The following HORMAD2 variants were observed in gnomAD, a reference collection of about 807,000 sequenced individuals.
HORMAD2 encodes the protein HORMA domain containing 2.
HORMAD2 carries 45 observed loss-of-function variants against 38.8 expected under a neutral mutation model. The observed-to-expected ratio is 1.16, with a 90% CI of 0.91 to 1.49. The LOEUF is 1.49. Ranked by LOEUF, HORMAD2 falls within the 40% of genes most tolerant of loss-of-function variation. HORMAD2 has a pLI of 0.00. For synonymous variants in HORMAD2, 126 were observed against 122.8 expected (o/e 1.03, Z -0.17); for missense variants, 338 against 367.0 (o/e 0.92, Z 0.65).
chr22:30,191,454 A>C, the HORMAD2 span, among the ~76,000 whole-genome samples: 122 of 151,896 alleles, frequency 8.0e-4, no homozygotes, highest in Admixed American at 2.6e-3. Flanking sequence ...GCAGTGGGAG[A>C]CTCATTCCTT....
chr22:30,097,974 G>T (rs1364165629), intron 2 of HORMAD2, among the ~76,000 whole-genome samples: 1 of 152,106 alleles, frequency 6.6e-6, no homozygotes, highest in Non-Finnish European at 1.5e-5. Flanking sequence ...AATTTAGTGG[G>T]GTATGAAGGA....
rs575326365 is a variant in HORMAD2 at position 30,087,394 on chromosome 22, G to C, written c.-37-6522G>C. Among the ~76,000 whole-genome samples, 130 of 152,260 alleles carry C rather than the reference G, an allele frequency of 8.5e-4. 1 individual carries two copies. Among genetic ancestry groups the C allele is most frequent in the African/African-American group, 3.1e-3 (127 of 41,532 alleles). On this transcript the variant is annotated intron_variant, in intron 1 of 10. Coordinates refer to ENST00000336726, the MANE Select transcript of HORMAD2 (RefSeq NM_152510.4). ...GTCAGCAACTTCTGAGAGAGACCTG[G>C]GTTGGGGATATACACATAAGAATCA...
At chr22:30,184,306 C>A in the HORMAD2 span, among the ~76,000 whole-genome samples, 1 of 152,236 alleles carries the variant, frequency 6.6e-6, no homozygotes, top group South Asian at 2.1e-4. Context: ...AGAAGGAAAC[C>A]ATTGAACTAA....
intron 10 of HORMAD2, among the ~76,000 whole-genome samples, chr22:30,145,706 TCAAA>T (rs1257655426): frequency 6.6e-6 from 1 of 152,182 alleles, no homozygotes; most frequent in African/African-American, 2.4e-5. Context: ...TGTGACAACA[TCAAA>T]CAGTCTAAGC....
At chr22:30,150,999 C>T (rs977245702) in intron 10 of HORMAD2, among the ~76,000 whole-genome samples, 1 of 152,144 alleles carries the variant, frequency 6.6e-6, no homozygotes, top group Non-Finnish European at 1.5e-5. Context: ...AAATGTGTTT[C>T]AGTTGGTCTT....
chr22:30,190,938 A>G, the HORMAD2 span, among the ~76,000 whole-genome samples: 1 of 152,188 alleles, frequency 6.6e-6, no homozygotes, highest in Non-Finnish European at 1.5e-5. Context: ...ATTTAAGGTG[A>G]TAGCTGGGAA....
At chr22:30,117,454 GTTATTTTAT>G (rs1191238175) in intron 7 of HORMAD2, among the ~76,000 whole-genome samples, 3 of 151,220 alleles carry the variant, frequency 2.0e-5, no homozygotes, top group African/African-American at 7.3e-5. Flanking sequence ...ATTTAATTTA[GTTATTTTAT>G]TTATTTATTT....
chr22:30,188,596 T>C, the HORMAD2 span, among the ~76,000 whole-genome samples: 3 of 152,376 alleles, frequency 2.0e-5, no homozygotes, highest in Non-Finnish European at 4.4e-5. Flanking sequence ...TTCATGCAAC[T>C]GAGTTGTTCT....
At chr22:30,142,024 A>T (rs1601566651) in intron 10 of HORMAD2, among the ~76,000 whole-genome samples, 1 of 152,180 alleles carries the variant, frequency 6.6e-6, no homozygotes, top group African/African-American at 2.4e-5. Flanking sequence ...CTGAGGCAAG[A>T]GAATGGCTTG....
intron 3 of HORMAD2, 32 bp from the exon 4 acceptor site, chr22:30,103,405 G>A: frequency 7.7e-7 from 1 of 1,304,974 alleles, no homozygotes; most frequent in Non-Finnish European, 1.1e-6. Flanking sequence ...TCATTTAGTA[G>A]ATAAAAATAG....
chr22:30,089,111 C>T (rs2068635191), intron 1 of HORMAD2, among the ~76,000 whole-genome samples: 1 of 152,160 alleles, frequency 6.6e-6, no homozygotes, highest in Non-Finnish European at 1.5e-5. Flanking sequence ...TTTATAATCT[C>T]TATCACCACC....
chr22:30,106,700 G>A (rs544025651), intron 5 of HORMAD2, among the ~76,000 whole-genome samples: 7 of 152,166 alleles, frequency 4.6e-5, no homozygotes, highest in Non-Finnish European at 8.8e-5. Flanking sequence ...AAGAATCCCA[G>A]TTCTGTCACT....
chr22:30,111,230 A>AGGC, intron 5 of HORMAD2, among the ~76,000 whole-genome samples: 1 of 152,088 alleles, frequency 6.6e-6, no homozygotes. Context: ...TCATGCCTGT[A>AGGC]ATTCCAGCAC....
At chr22:30,092,886 T>C (rs1451321196) in intron 1 of HORMAD2, among the ~76,000 whole-genome samples, 2 of 152,234 alleles carry the variant, frequency 1.3e-5, no homozygotes, top group African/African-American at 4.8e-5. Context: ...TTTTGGTTAC[T>C]ATAGCTTTGT....
chr22:30,166,240 C>T (rs146673994), intron 10 of HORMAD2, among the ~76,000 whole-genome samples: 1 of 151,948 alleles, frequency 6.6e-6, no homozygotes, highest in Non-Finnish European at 1.5e-5. Flanking sequence ...TATCTATATT[C>T]CTATTATCAC....
At chr22:30,200,059 G>A in the HORMAD2 span, among the ~76,000 whole-genome samples, 23 of 152,306 alleles carry the variant, frequency 1.5e-4, no homozygotes, top group African/African-American at 5.1e-4. Flanking sequence ...TGGAATTACA[G>A]GAGACTGCTA....
At position 30,146,691 on chromosome 22, in the gene HORMAD2, C is replaced by T. The variant is rs117570212; in HGVS notation, c.819+24477C>T. 9.6e-4 allele frequency among the ~76,000 whole-genome samples: 146 copies of T among 151,966 alleles called. 4 individuals carry two copies. The East Asian group carries it at 0.026, about 27-fold the overall frequency. On this transcript the variant is annotated intron_variant, in intron 10 of 10. Coordinates refer to ENST00000336726, the MANE Select transcript of HORMAD2 (RefSeq NM_152510.4). ...AGTCAACATCATACTAGAGGTCCCACCAGCTAATTAAGGTAGGAATAAGAA... is the reference window on the plus strand; with the variant it reads ...AGTCAACATCATACTAGAGGTCCCATCAGCTAATTAAGGTAGGAATAAGAA...
chr22:30,134,336 T>G (rs1224970960), intron 10 of HORMAD2, among the ~76,000 whole-genome samples: 1 of 148,238 alleles, frequency 6.7e-6, no homozygotes, highest in Non-Finnish European at 1.5e-5. Flanking sequence ...GAGGCGAAGG[T>G]TGCAGTGAGC....
At chr22:30,164,543 A>G (rs1245747432) in intron 10 of HORMAD2, among the ~76,000 whole-genome samples, 3 of 152,312 alleles carry the variant, frequency 2.0e-5, no homozygotes, top group Non-Finnish European at 4.4e-5. Flanking sequence ...TGCATCTCTG[A>G]TGATAGTGAT....
Sources: allele counts gnomAD v4.1 joint callset (sites outside exome capture counted in the v4.1 genomes callset), GRCh38; gene constraint gnomAD v4.1.1; transcripts MANE v1.5; gene names NCBI Gene and HGNC (gene_info 2026-07-23, HGNC 2026-07-21).